Variants in PUM2 observed in about 807,000 individuals in gnomAD.
The protein encoded by PUM2 is pumilio RNA binding family member 2, also known as pumilio homolog 2.
Under a neutral mutation model 124.5 loss-of-function variants are expected in PUM2, and 57 were observed. That is an observed-to-expected ratio of 0.46 (90% CI 0.37 to 0.57). The LOEUF (loss-of-function observed/expected upper bound fraction) is 0.57. Among genes scored for constraint, PUM2 ranks in the 20% least tolerant of loss-of-function variants. The pLI is 0.00. For synonymous variants in PUM2, 460 were observed against 446.1 expected, an observed-to-expected ratio of 1.03 and a Z score of -0.39; for missense variants, 1,065 against 1,290.6, an observed-to-expected ratio of 0.83 and a Z score of 2.68.
intron 7 of PUM2, among the ~76,000 whole-genome samples, chr2:20,304,611 G>C (rs1197438012): frequency 6.6e-6 from 1 of 152,114 alleles, no homozygotes; most frequent in East Asian, 1.9e-4. Context: ...GGTATGCAAA[G>C]CTTTAAATAT....
At chr2:20,255,814 T>TA (rs1664630621) in intron 17 of PUM2, among the ~76,000 whole-genome samples, 1 of 152,148 alleles carries the variant, frequency 6.6e-6, no homozygotes, top group African/African-American at 2.4e-5. Context: ...CTTTACTTCT[T>TA]AAAGTAATGT....
At chr2:20,322,261 A>G (rs1682557362) in intron 2 of PUM2, among the ~76,000 whole-genome samples, 1 of 152,080 alleles carries the variant, frequency 6.6e-6, no homozygotes, top group Non-Finnish European at 1.5e-5. Flanking sequence ...TCTACTTATA[A>G]TGGAAGTTCA....
At position 20,295,163 on chromosome 2, in the gene PUM2, G is replaced by A. The variant is rs957790825; in HGVS notation, c.1010-645C>T. Among the ~76,000 whole-genome samples, 3 of 152,118 alleles carry A rather than the reference G, an allele frequency of 2.0e-5. No individual in the cohort carries two copies. In the South Asian group the frequency reaches 6.2e-4, roughly 32 times the overall value. ...AATATAAGCAGAAAGAAAAATAGAA[G>A]GGAAACTAGGAAAATAAGAATAAAT... On this transcript the variant is annotated intron_variant, in intron 8 of 20. Transcript: ENST00000361078.
At chr2:20,327,743 G>A (rs555357085) in intron 1 of PUM2, among the ~76,000 whole-genome samples, 6 of 152,208 alleles carry the variant, frequency 3.9e-5, no homozygotes, top group Admixed American at 1.3e-4. Flanking sequence ...CCCGAGGGAA[G>A]GCCTAGATGT....
chr2:20,334,208 A>G (rs1572983672), intron 1 of PUM2, among the ~76,000 whole-genome samples: 1 of 152,284 alleles, frequency 6.6e-6, no homozygotes, highest in African/African-American at 2.4e-5. Flanking sequence ...GCTACTCAGG[A>G]GGCTGAGGTG....
chr2:20,258,299 T>C lies in PUM2; in HGVS notation c.2428A>G (p.Met810Val), dbSNP rs758485035. 2 of 1,611,996 alleles carry C rather than the reference T, an allele frequency of 1.2e-6. No homozygotes were observed. The highest frequency in any genetic ancestry group is 2.2e-5 in the East Asian group (1 of 44,814). ...RGHVLPLALQ[M>V]YGCRVIQKAL... ...TTCTGAATAACGCGGCAGCCATACA[T>C]CTGCAAGGCTAAGGGTAGAACATGA... Residue 810 changes from methionine to valine, a missense_variant, in exon 16 of 21, where the codon ATG becomes GTG. This residue lies in a region of PUM2 where 968 missense variants were observed against 1,159.8 expected (regional missense o/e 0.83). Coordinates refer to ENST00000361078, the MANE Select transcript of PUM2 (RefSeq NM_015317.5).
chr2:20,342,768 A>G (rs971858056), intron 1 of PUM2, among the ~76,000 whole-genome samples: 7 of 152,218 alleles, frequency 4.6e-5, no homozygotes, highest in Admixed American at 2.0e-4. Flanking sequence ...TGCGGTTTTT[A>G]AAGTTCCTCA....
chr2:20,267,936 A>G (rs937873052), intron 13 of PUM2, among the ~76,000 whole-genome samples: 8 of 152,220 alleles, frequency 5.3e-5, no homozygotes, highest in Admixed American at 4.6e-4. Flanking sequence ...AACTATGGAT[A>G]CGAAAGGCAA....
intron 1 of PUM2, among the ~76,000 whole-genome samples, chr2:20,347,741 A>T (rs1177437099): frequency 6.6e-6 from 1 of 152,210 alleles, no homozygotes; most frequent in Non-Finnish European, 1.5e-5. Context: ...GTGGAGGCAT[A>T]ATTTAGACCT....
At chr2:20,295,339 G>T (rs561900616) in intron 8 of PUM2, among the ~76,000 whole-genome samples, 153 of 152,144 alleles carry the variant, frequency 1.0e-3, no homozygotes, top group Non-Finnish European at 1.3e-3. Context: ...TGTTATCAGT[G>T]GAATTTTAGG....
intron 2 of PUM2, among the ~76,000 whole-genome samples, chr2:20,323,908 CAAAAAAAAAAAAAAA>C (rs397984008): frequency 2.4e-4 from 14 of 58,438 alleles, no homozygotes; most frequent in South Asian, 8.7e-4. Flanking sequence ...TACGGACTAG[CAAAAAAAAAAAAAAA>C]AAAAAAAAAA....
intron 7 of PUM2, among the ~76,000 whole-genome samples, chr2:20,299,266 T>A (rs1251035431): frequency 6.6e-6 from 1 of 152,058 alleles, no homozygotes; most frequent in Non-Finnish European, 1.5e-5. Context: ...GGAACTGAAT[T>A]AGAGGACACC....
At chr2:20,275,427 T>G (rs1232525874) in intron 13 of PUM2, among the ~76,000 whole-genome samples, 1 of 152,114 alleles carries the variant, frequency 6.6e-6, no homozygotes, top group Non-Finnish European at 1.5e-5. Flanking sequence ...TGTCATCAGT[T>G]GTAACCTTAC....
chr2:20,260,513 T>A, intron 14 of PUM2, 47 bp from the exon 15 acceptor site: 3 of 1,499,464 alleles, frequency 2.0e-6, no homozygotes, highest in Non-Finnish European at 2.8e-6. Flanking sequence ...TTTAATACAC[T>A]TGAGTATTAC....
intron 6 of PUM2, 59 bp from the exon 7 acceptor site, chr2:20,308,130 A>G: frequency 6.4e-7 from 1 of 1,558,804 alleles, no homozygotes; most frequent in Non-Finnish European, 8.8e-7. Context: ...TTCTAATTAG[A>G]AATCTGAATA....
chr2:20,337,552 A>G lies in PUM2; in HGVS notation c.-18-10174T>C, dbSNP rs368063198. ...AGGCTAGGTGGTTAGAAAAAAATAA[A>G]GTTTAATAAAATACATATAGCAGTC... On this transcript the variant is annotated intron_variant, in intron 1 of 20. Transcript: ENST00000361078. Among the ~76,000 whole-genome samples the G allele has an allele frequency of 5.3e-5, 8 of 152,240 alleles. No homozygotes were observed. The East Asian group carries it at 1.5e-3, about 29-fold the overall frequency.
At chr2:20,304,293 G>A (rs1677695723) in intron 7 of PUM2, among the ~76,000 whole-genome samples, 1 of 151,968 alleles carries the variant, frequency 6.6e-6, no homozygotes, top group African/African-American at 2.4e-5. Context: ...TTGTACTCTA[G>A]GAACTCTCCA....
Position 20,263,475 on chromosome 2 carries a change from C to T in PUM2, c.1958-15G>A, listed in dbSNP as rs754590725. On this transcript the variant is annotated splice_polypyrimidine_tract_variant and intron_variant, in intron 13 of 20. Transcript: ENST00000361078. ...TGTCAGTCCTCCTACAACAAAGCAG[C>T]TATGGTCAGCAAGTATTTTTGACAA... 1 of 1,560,484 alleles carries T rather than the reference C, an allele frequency of 6.4e-7. No individual in the cohort carries two copies. The highest frequency in any genetic ancestry group is 1.8e-5 in the Admixed American group (1 of 56,736).
At chr2:20,261,451 C>G (rs1180020860) in intron 14 of PUM2, among the ~76,000 whole-genome samples, 4 of 129,862 alleles carry the variant, frequency 3.1e-5, no homozygotes, top group Non-Finnish European at 6.4e-5. Context: ...TGTACGGTAT[C>G]TGATAATAAA....
Sources: gnomAD v4.1 joint callset for allele counts (sites outside exome capture counted in the v4.1 genomes callset) on GRCh38, gnomAD v4.1.1 for gene constraint, gnomAD v4.1.1 regional missense constraint, MANE v1.5 for transcripts, NCBI Gene and HGNC (gene_info 2026-07-23, HGNC 2026-07-21) for gene names.